FAM227B: variants seen among roughly 807,000 people sequenced by gnomAD.
The protein encoded by FAM227B is family with sequence similarity 227 member B, also known as protein FAM227B.
In FAM227B, 88 loss-of-function variants were observed where a neutral mutation model predicts 73.8. That is an observed-to-expected ratio of 1.19 (90% CI 1.00 to 1.42). The LOEUF (loss-of-function observed/expected upper bound fraction) is 1.42, where lower values mean the gene tolerates loss of function less well. FAM227B is among the 40% of genes most tolerant of loss of function. The probability of loss-of-function intolerance (pLI) is 0.00; values close to 1 mark genes in which losing one functional copy is unlikely to be tolerated. For missense variants in FAM227B, 632 were observed against 590.9 expected (o/e 1.07, Z -0.72); for synonymous variants, 210 against 190.5 (o/e 1.10, Z -0.84).
intron 11 of FAM227B, among the ~76,000 whole-genome samples, chr15:49,409,549 A>T (rs2048741416): frequency 1.3e-5 from 2 of 150,318 alleles, no homozygotes; most frequent in Admixed American, 1.3e-4. Context: ...ATAGGAATAT[A>T]TATATATGCC....
chr15:49,554,076 G>A (rs189149795), intron 9 of FAM227B, among the ~76,000 whole-genome samples: 11 of 152,260 alleles, frequency 7.2e-5, no homozygotes, highest in African/African-American at 2.4e-4. Context: ...CCCAGTTTGT[G>A]TCTAGAAATG....
At chr15:49,343,015 T>C (rs1463358577) in intron 13 of FAM227B, among the ~76,000 whole-genome samples, 1 of 152,200 alleles carries the variant, frequency 6.6e-6, no homozygotes, top group African/African-American at 2.4e-5. Context: ...TCATTTTGTA[T>C]AGTATCTCAC....
In FAM227B at chr15:49,365,078, A is replaced by G; in HGVS notation, c.1271+2370T>C. 6 of 601,988 alleles carry G rather than the reference A, an allele frequency of 1.0e-5. No homozygotes were observed. In the Admixed American group the frequency reaches 1.4e-4, roughly 14 times the overall value. 37.3% of individuals were successfully genotyped at this position (601,988 alleles called of 1,614,324 possible). The stretch of plus-strand genomic sequence containing the variant: ...AAATCAATTTAAAAAGTCAAAGTCT[A>G]TTTGTAGAAAATCAATGACACATTA... On this transcript the variant is annotated intron_variant, in intron 13 of 15. Coordinates refer to ENST00000299338, the MANE Select transcript of FAM227B (RefSeq NM_152647.3).
chr15:49,376,993 T>C (rs768520544), intron 11 of FAM227B, among the ~76,000 whole-genome samples: 4 of 152,070 alleles, frequency 2.6e-5, no homozygotes, highest in Non-Finnish European at 5.9e-5. Context: ...CTTTTTTTTA[T>C]TGTCTCCATT....
chr15:49,508,263 A>G lies in FAM227B; in HGVS notation c.960T>C (p.Pro320=), dbSNP rs144093190. 1.2e-6 allele frequency: 2 copies of G among 1,611,016 alleles called. No individual in the cohort carries two copies. Among genetic ancestry groups the G allele is most frequent in the African/African-American group, 2.7e-5 (2 of 74,696 alleles). ...CAATTCTTTCCTTTACTGATTTTGC[A>G]GGTGCTTTTTTGCTACCATGAATGG... ...TTTIHGSKKA[P]AKSVKERIAD... Residue 320 remains proline, a synonymous_variant, in exon 11 of 16, where the codon CCT becomes CCC. Transcript: ENST00000299338.
chr15:49,485,771 AT>A (rs2056354945), intron 11 of FAM227B: 1 of 152,402 alleles, frequency 6.6e-6, no homozygotes, highest in African/African-American at 2.4e-5. Flanking sequence ...TATTTACAGG[AT>A]TTTAAAGTTA....
chr15:49,428,593 C>T (rs758641062), intron 11 of FAM227B, among the ~76,000 whole-genome samples: 6 of 151,838 alleles, frequency 4.0e-5, no homozygotes, highest in Admixed American at 6.6e-5. Context: ...ATTGAGGTGC[C>T]GAGTGAGAGA....
chr15:49,367,648 T>C lies in FAM227B; in HGVS notation c.1111-40A>G, dbSNP rs747987177. 9 of 1,515,906 alleles carry C rather than the reference T, an allele frequency of 5.9e-6. No homozygotes were observed. The Admixed American group carries it at 1.5e-4, about 26-fold the overall frequency. 93.9% of individuals were successfully genotyped at this position (1,515,906 alleles called of 1,614,324 possible). A position where few individuals can be genotyped will look rare whatever the true frequency, so the allele number is the denominator to read the frequency against. The stretch of plus-strand genomic sequence containing the variant: ...AAATAATCAAGACAACGATTACTTT[T>C]GTGTTTCTAAAAAACTGTGAATAAA... On this transcript the variant is annotated intron_variant, in intron 12 of 15. Coordinates refer to ENST00000299338, the MANE Select transcript of FAM227B (RefSeq NM_152647.3).
intron 13 of FAM227B, among the ~76,000 whole-genome samples, chr15:49,339,270 A>T (rs2040299487): frequency 6.6e-6 from 1 of 152,122 alleles, no homozygotes; most frequent in Non-Finnish European, 1.5e-5. Flanking sequence ...TCATGGATTT[A>T]TGTACCTTTG....
chr15:49,363,826 G>T (rs7176321), intron 13 of FAM227B, among the ~76,000 whole-genome samples: 2 of 152,148 alleles, frequency 1.3e-5, no homozygotes, highest in East Asian at 1.9e-4. Flanking sequence ...TATCATGAAG[G>T]GATGTTGAAT....
intron 13 of FAM227B, among the ~76,000 whole-genome samples, chr15:49,338,569 C>T (rs1260644484): frequency 6.6e-6 from 1 of 152,192 alleles, no homozygotes; most frequent in Admixed American, 6.5e-5. Flanking sequence ...TTTTTTCCTT[C>T]ATTTCAACCT....
At chr15:49,510,836 T>C (rs1315288791) in intron 10 of FAM227B, among the ~76,000 whole-genome samples, 3 of 152,088 alleles carry the variant, frequency 2.0e-5, no homozygotes, top group Non-Finnish European at 2.9e-5. Flanking sequence ...GGGTCTAGGG[T>C]CCTAGGTTAT....
At chr15:49,602,690 T>C (rs775474217) in intron 3 of FAM227B, among the ~76,000 whole-genome samples, 149 of 152,200 alleles carry the variant, frequency 9.8e-4, no homozygotes, top group Non-Finnish European at 1.9e-3. Flanking sequence ...TTGCCTGTGC[T>C]TGTGGCATAT....
chr15:49,529,804 T>C (rs1157558991), intron 10 of FAM227B, among the ~76,000 whole-genome samples: 1 of 151,748 alleles, frequency 6.6e-6, no homozygotes, highest in Non-Finnish European at 1.5e-5. Flanking sequence ...GCACTAATCT[T>C]TTCCCAATTT....
intron 11 of FAM227B, among the ~76,000 whole-genome samples, chr15:49,414,347 G>C (rs1290277945): frequency 6.6e-6 from 1 of 151,576 alleles, no homozygotes; most frequent in Non-Finnish European, 1.5e-5. Context: ...GAATTTGTAA[G>C]GGGGATTTCT....
chr15:49,588,504 G>A (rs955416842), intron 4 of FAM227B, among the ~76,000 whole-genome samples: 11 of 133,742 alleles, frequency 8.2e-5, no homozygotes, highest in African/African-American at 2.5e-4. Context: ...TCAGATAACC[G>A]AGATAGACTT....
chr15:49,550,312 G>A (rs1274127723), intron 9 of FAM227B, among the ~76,000 whole-genome samples: 13 of 147,016 alleles, frequency 8.8e-5, no homozygotes, highest in Admixed American at 7.3e-4. Flanking sequence ...CCTCCCGGAC[G>A]GGGCGGCTGG....
At chr15:49,350,046 C>T (rs2042028912) in intron 13 of FAM227B, among the ~76,000 whole-genome samples, 1 of 152,072 alleles carries the variant, frequency 6.6e-6, no homozygotes. Context: ...AATTAGAAGG[C>T]TGCACGTGAC....
At chr15:49,559,675 G>A (rs1482159959) in intron 9 of FAM227B, among the ~76,000 whole-genome samples, 2 of 152,132 alleles carry the variant, frequency 1.3e-5, no homozygotes, top group African/African-American at 4.8e-5. Context: ...GGTGGCTCAC[G>A]CCTGTAATCC....
Sources: gnomAD v4.1 joint callset for allele counts (sites outside exome capture counted in the v4.1 genomes callset) on GRCh38, gnomAD v4.1.1 for gene constraint, MANE v1.5 for transcripts, NCBI Gene and HGNC (gene_info 2026-07-23, HGNC 2026-07-21) for gene names.